Variants in CPEB4 observed in about 807,000 individuals in gnomAD.
CPEB4 encodes cytoplasmic polyadenylation element binding protein 4.
In CPEB4, 12 loss-of-function variants were observed where a neutral mutation model predicts 72.5. The ratio of observed to expected loss-of-function variants is 0.17; its 90% CI spans 0.11 to 0.27. The LOEUF is 0.27. CPEB4 is among the 10% of genes least tolerant of loss of function. CPEB4 has a pLI of 1.00. For synonymous variants in CPEB4, 302 were observed against 326.3 expected, an observed-to-expected ratio of 0.93 and a Z score of 0.80; for missense variants, 614 against 908.5, an observed-to-expected ratio of 0.68 and a Z score of 4.17.
intron 1 of CPEB4, among the ~76,000 whole-genome samples, chr5:173,897,468 C>A (rs948124465): frequency 1.3e-5 from 2 of 152,084 alleles, no homozygotes; most frequent in African/African-American, 4.8e-5. Context: ...TATTGGAGCA[C>A]CTACTATGTT....
rs1758553312 is a variant in CPEB4 at position 173,961,634 on chromosome 5, ACAAT to A, written c.*5501_*5504del. 2 of 152,120 alleles carry A rather than the reference ACAAT, an allele frequency of 1.3e-5. No homozygotes were observed. The highest frequency in any genetic ancestry group is 4.8e-5 in the African/African-American group (2 of 41,448). The allele number at this position is 152,120 out of a possible 1,614,324, so 9.4% of individuals were successfully genotyped here. A position where few individuals can be genotyped will look rare whatever the true frequency, so the allele number is the denominator to read the frequency against. On this transcript the variant is annotated 3_prime_UTR_variant, in exon 10 of 10. Transcript: ENST00000265085. ...GTGGAAATTCTCTACCACACTCTTA[ACAAT>A]CAAGTCATTTCATAACCCCTTTTGG... is the stretch of plus-strand genomic sequence containing the variant.
At position 173,890,776 on chromosome 5, in the gene CPEB4, A is replaced by T. The variant is rs1389484050; in HGVS notation, c.1043A>T (p.Tyr348Phe). 3 of 1,614,092 alleles carry T rather than the reference A, an allele frequency of 1.9e-6. No individual in the cohort carries two copies. Among genetic ancestry groups the T allele is most frequent in the East Asian group, 4.5e-5 (2 of 44,900 alleles). The change falls in exon 1 of 10, where the codon TAT becomes TTT. Residue 348 changes from tyrosine (Y) to phenylalanine (F), a missense_variant. Physicochemically the swap from Tyr to Phe is conservative, Grantham distance 22. Transcript: ENST00000265085. ...FASNHIQLQKYARPSSAFAPK... is the reference protein window; with the variant it reads ...FASNHIQLQKFARPSSAFAPK... Reference sequence around the variant, plus strand: ...AGCAATCATATTCAGCTCCAGAAGTATGCTCGCCCCAGCTCTGCCTTTGCA... The same window carrying T: ...AGCAATCATATTCAGCTCCAGAAGTTTGCTCGCCCCAGCTCTGCCTTTGCA...
chr5:173,949,948 C>A lies in CPEB4; in HGVS notation c.1547-12C>A. ...GGAAAACATGTAAGCCTTCTTTCCC[C>A]CTTTTTTCCAGGCTATGCATTCCTG... On this transcript the variant is annotated splice_polypyrimidine_tract_variant and intron_variant, in intron 6 of 9. Transcript: ENST00000265085. 1 of 1,562,150 alleles carries A rather than the reference C, an allele frequency of 6.4e-7. No individual in the cohort carries two copies. Among genetic ancestry groups the A allele is most frequent in the Non-Finnish European group, 8.8e-7 (1 of 1,136,446 alleles).
intron 6 of CPEB4, 62 bp downstream of exon 6, chr5:173,949,659 T>C: frequency 8.6e-7 from 1 of 1,162,790 alleles, no homozygotes; most frequent in East Asian, 2.4e-5. Flanking sequence ...TGTGTAGCCT[T>C]TTCATAAATG....
chr5:173,930,345 C>T (rs143755769), intron 2 of CPEB4, among the ~76,000 whole-genome samples: 199 of 152,234 alleles, frequency 1.3e-3, no homozygotes, highest in Non-Finnish European at 2.1e-3. Context: ...CATGAGCCAC[C>T]GCACTTGGCC....
At chr5:173,923,261 T>G (rs1347688070) in intron 2 of CPEB4, among the ~76,000 whole-genome samples, 1 of 152,240 alleles carries the variant, frequency 6.6e-6, no homozygotes, top group African/African-American at 2.4e-5. Flanking sequence ...ATGCAACTTT[T>G]TATCAGTGTA....
Position 173,919,552 on chromosome 5 carries a change from C to G in CPEB4, c.1207+8948C>G, listed in dbSNP as rs143927702. On this transcript the variant is annotated intron_variant, in intron 2 of 9. Transcript: ENST00000265085. Reference sequence around the variant, plus strand: ...TAAAATTCTATAGAGGTGACTCTTGCTGTCTCATTTCCTGGCAGCTACAAA... The same window carrying G: ...TAAAATTCTATAGAGGTGACTCTTGGTGTCTCATTTCCTGGCAGCTACAAA... Among the ~76,000 whole-genome samples, 839 of 152,308 alleles carry G rather than the reference C, an allele frequency of 5.5e-3. 11 individuals carry two copies. Among genetic ancestry groups the G allele is most frequent in the African/African-American group, 0.019 (782 of 41,562 alleles).
intron 2 of CPEB4, among the ~76,000 whole-genome samples, chr5:173,911,278 T>G (rs1363957165): frequency 2.0e-5 from 3 of 149,842 alleles, no homozygotes; most frequent in Non-Finnish European, 4.5e-5. Flanking sequence ...TGCATGTTTT[T>G]ATTTTTTTTT....
Position 173,921,972 on chromosome 5 carries a change from T to C in CPEB4, c.1208-10478T>C, listed in dbSNP as rs149721719. On this transcript the variant is annotated intron_variant, in intron 2 of 9. Transcript: ENST00000265085. ...CCCAGATCCTTACGGTAACCTGTTA[T>C]GTGAGTTTTGTGGTCTTCATTTTAC... Among the ~76,000 whole-genome samples the C allele has an allele frequency of 9.8e-4, 150 of 152,324 alleles. 1 individual carries two copies. Among genetic ancestry groups the C allele is most frequent in the Non-Finnish European group, 1.3e-3 (89 of 68,024 alleles).
chr5:173,938,935 C>T (rs546153050), intron 3 of CPEB4, among the ~76,000 whole-genome samples: 4 of 152,188 alleles, frequency 2.6e-5, no homozygotes, highest in South Asian at 2.1e-4. Context: ...AAGTGAATGC[C>T]TTCTTTCCTC....
intron 2 of CPEB4, among the ~76,000 whole-genome samples, chr5:173,923,932 A>G (rs1252572593): frequency 6.6e-6 from 1 of 152,180 alleles, no homozygotes; most frequent in Non-Finnish European, 1.5e-5. Flanking sequence ...CTTTACTGGC[A>G]GTAGGAAATC....
chr5:173,928,652 A>G (rs375698838), intron 2 of CPEB4, among the ~76,000 whole-genome samples: 30 of 152,342 alleles, frequency 2.0e-4, no homozygotes, highest in African/African-American at 6.0e-4. Context: ...TAGAAAAGCT[A>G]TAGAAACTTA....
At position 173,889,220 on chromosome 5, in the gene CPEB4, C is replaced by T. The variant is rs949796538; in HGVS notation, c.-514C>T. 2 of 150,334 alleles carry T rather than the reference C, an allele frequency of 1.3e-5. No individual in the cohort carries two copies. Among genetic ancestry groups the T allele is most frequent in the African/African-American group, 2.4e-5 (1 of 40,898 alleles). 9.3% of individuals were successfully genotyped at this position (150,334 alleles called of 1,614,324 possible). A position where few individuals can be genotyped will look rare whatever the true frequency, so the allele number is the denominator to read the frequency against. ...AAATTATTCCTGATTTTTTTTTAACCAAGCTGCCAAGAAAAGAACGTATTC... is the reference window on the plus strand; with the variant it reads ...AAATTATTCCTGATTTTTTTTTAACTAAGCTGCCAAGAAAAGAACGTATTC... On this transcript the variant is annotated 5_prime_UTR_variant, in exon 1 of 10. Transcript: ENST00000265085.
chr5:173,952,062 C>G, intron 8 of CPEB4, 124 bp downstream of exon 8: 1 of 681,630 alleles, frequency 1.5e-6, no homozygotes, highest in Non-Finnish European at 2.6e-6. Flanking sequence ...ATCAAAATAT[C>G]TGGGTTTGAA....
At position 173,890,711 on chromosome 5, in the gene CPEB4, G is replaced by A. The variant is rs1451137897; in HGVS notation, c.978G>A (p.Thr326=). The A allele has an allele frequency of 1.2e-6, 2 of 1,614,134 alleles. No individual in the cohort carries two copies. The highest frequency in any genetic ancestry group is 4.5e-5 in the East Asian group (2 of 44,882). The change falls in exon 1 of 10, where the codon ACG becomes ACA. Residue 326 remains threonine (T), a synonymous_variant. Transcript: ENST00000265085. ...DHRRGLNGGI[T]PLNSISPLKK... The stretch of plus-strand genomic sequence containing the variant: ...GCAGAGGGCTGAATGGTGGAATAAC[G>A]CCCCTGAACTCCATCTCGCCTTTGA...
At position 173,888,857 on chromosome 5, in the gene CPEB4, C is replaced by T. The variant is rs926224653; in HGVS notation, c.-877C>T. The stretch of plus-strand genomic sequence containing the variant: ...TCCCCGCACCCCCAGGCCGCCCGCT[C>T]ACCCTCGTCGAGTCTCGCTAATCCC... On this transcript the variant is annotated 5_prime_UTR_variant, in exon 1 of 10. Coordinates refer to ENST00000265085, the MANE Select transcript of CPEB4 (RefSeq NM_030627.4). This position sits in a 1 kb window ranked among gnomAD's most constrained non-coding sequence, Gnocchi z 4.3. 7.3e-6 allele frequency: 2 copies of T among 274,786 alleles called. No individual in the cohort carries two copies. Among genetic ancestry groups the T allele is most frequent in the Non-Finnish European group, 1.3e-5 (2 of 148,522 alleles). 17.0% of individuals were successfully genotyped at this position (274,786 alleles called of 1,614,324 possible).
At position 173,943,032 on chromosome 5, in the gene CPEB4, C is replaced by T; in HGVS notation, c.1265C>T (p.Thr422Ile). The change falls in exon 4 of 10, where the codon ACA (threonine) becomes ATA (isoleucine). Residue 422 changes from threonine to isoleucine, a missense_variant. Thr to Ile is a moderately conservative substitution (Grantham distance 89). Coordinates refer to ENST00000265085, the MANE Select transcript of CPEB4 (RefSeq NM_030627.4). ...TTTCTCATTTGACATGCAGCAAGGA[C>T]ATATGGGCGAAGGAGAGGTAACATT... ...SDSSLLINAR[T>I]YGRRRGQSSL... 6.2e-7 allele frequency: 1 copy of T among 1,611,522 alleles called. No homozygotes were observed. Among genetic ancestry groups the T allele is most frequent in the African/African-American group, 1.3e-5 (1 of 74,866 alleles).
At chr5:173,931,073 A>G (rs1329774951) in intron 2 of CPEB4, among the ~76,000 whole-genome samples, 1 of 152,166 alleles carries the variant, frequency 6.6e-6, no homozygotes, top group Non-Finnish European at 1.5e-5. Flanking sequence ...TGGATTAATT[A>G]AAGCTGTTGG....
At chr5:173,928,674 CAGAG>C (rs1338015512) in intron 2 of CPEB4, among the ~76,000 whole-genome samples, 3 of 152,028 alleles carry the variant, frequency 2.0e-5, no homozygotes. Context: ...ACCAATATAG[CAGAG>C]AGGATATTAG....
Sources: gnomAD v4.1 joint callset for allele counts (sites outside exome capture counted in the v4.1 genomes callset) on GRCh38, gnomAD v4.1.1 for gene constraint, Gnocchi (gnomAD v3.1) non-coding constraint, MANE v1.5 for transcripts, NCBI Gene and HGNC (gene_info 2026-07-23, HGNC 2026-07-21) for gene names.